PRKCA: variants seen among roughly 807,000 people sequenced by gnomAD.
PRKCA encodes protein kinase C alpha type.
Under a neutral mutation model 87.0 loss-of-function variants are expected in PRKCA, and 27 were observed. The observed-to-expected ratio is 0.31, with a 90% confidence interval of 0.23 to 0.43. The LOEUF (loss-of-function observed/expected upper bound fraction) is 0.43, where lower values mean the gene tolerates loss of function less well. Ranked by LOEUF, PRKCA falls within the 20% of genes least tolerant of loss-of-function variation. The pLI, the probability that PRKCA is intolerant of heterozygous loss-of-function variation, is 1.00. For missense variants in PRKCA, 518 were observed against 852.3 expected (o/e 0.61, Z 4.88); for synonymous variants, 329 against 311.1 (o/e 1.06, Z -0.61).
At chr17:66,329,317 A>ACTT in intron 2 of PRKCA, among the ~76,000 whole-genome samples, 1 of 152,172 alleles carries the variant, frequency 6.6e-6, no homozygotes, top group East Asian at 1.9e-4. Context: ...GTGGTTTTAA[A>ACTT]CTTGCTGAAT....
intron 3 of PRKCA, chr17:66,640,825 T>G (rs1212299919): frequency 2.7e-6 from 1 of 374,078 alleles, no homozygotes; most frequent in African/African-American, 2.2e-5. Flanking sequence ...ATGTGCAAAT[T>G]TCACCCCATA....
intron 3 of PRKCA, among the ~76,000 whole-genome samples, chr17:66,633,619 C>T (rs1971080442): frequency 1.3e-5 from 2 of 152,318 alleles, no homozygotes; most frequent in South Asian, 4.2e-4. Context: ...CCCTGAACCC[C>T]CAGCCCTCAA....
At chr17:66,778,523 TAAAAGAAA>T (rs1975120593) in intron 14 of PRKCA, among the ~76,000 whole-genome samples, 3 of 149,572 alleles carry the variant, frequency 2.0e-5, no homozygotes, top group African/African-American at 7.4e-5. Flanking sequence ...CTCAAAAAAA[TAAAAGAAA>T]AAAAGAAAAC....
At chr17:66,662,747 A>G (rs1449928197) in intron 5 of PRKCA, among the ~76,000 whole-genome samples, 1 of 151,702 alleles carries the variant, frequency 6.6e-6, no homozygotes, top group Non-Finnish European at 1.5e-5. Flanking sequence ...ATTAATGTTT[A>G]TCTTCTGCTT....
chr17:66,592,526 C>G (rs571784670), intron 3 of PRKCA, among the ~76,000 whole-genome samples: 2 of 152,032 alleles, frequency 1.3e-5, no homozygotes, highest in Non-Finnish European at 2.9e-5. Flanking sequence ...TCTTGTTTTT[C>G]GCCGGTGCGT....
intron 3 of PRKCA, among the ~76,000 whole-genome samples, chr17:66,554,230 C>T (rs1461800248): frequency 3.5e-5 from 5 of 142,828 alleles, no homozygotes; most frequent in Non-Finnish European, 6.0e-5. Flanking sequence ...CGTGTGACCC[C>T]GTCTCTATGA....
intron 3 of PRKCA, among the ~76,000 whole-genome samples, chr17:66,619,478 G>A (rs914918381): frequency 6.6e-6 from 1 of 152,170 alleles, no homozygotes; most frequent in African/African-American, 2.4e-5. Flanking sequence ...GTGACAGTTG[G>A]ATGCCTGGCA....
intron 8 of PRKCA, among the ~76,000 whole-genome samples, chr17:66,716,795 C>T (rs757570684): frequency 8.5e-5 from 13 of 152,226 alleles, no homozygotes; most frequent in Non-Finnish European, 1.3e-4. Flanking sequence ...CGTCAGGGTC[C>T]CACGTTTCTC....
intron 2 of PRKCA, among the ~76,000 whole-genome samples, chr17:66,447,574 C>T (rs1334760619): frequency 6.6e-6 from 1 of 152,152 alleles, no homozygotes; most frequent in Non-Finnish European, 1.5e-5. Context: ...AGGGTGGTAG[C>T]ATAGATGACA....
chr17:66,748,066 G>A (rs1252003235), intron 13 of PRKCA, among the ~76,000 whole-genome samples: 2 of 152,226 alleles, frequency 1.3e-5, no homozygotes. Context: ...GTAACAGATG[G>A]TGCATCCAAC....
chr17:66,323,592 A>G lies in PRKCA; in HGVS notation c.205+17465A>G, dbSNP rs555044256. On this transcript the variant is annotated intron_variant, in intron 2 of 16. Coordinates refer to ENST00000413366, the MANE Select transcript of PRKCA (RefSeq NM_002737.3). ...CTCTATGCAGATTGAGTTTTTATCA[A>G]CTGCTTCTGTGGGCAAGAAGTGTGT... is the stretch of plus-strand genomic sequence containing the variant. Among the ~76,000 whole-genome samples the G allele has an allele frequency of 5.9e-5, 9 of 152,188 alleles. No homozygotes were observed. In the South Asian group the frequency reaches 1.4e-3, roughly 24 times the overall value.
intron 2 of PRKCA, among the ~76,000 whole-genome samples, chr17:66,445,144 A>C (rs558264602): frequency 2.0e-5 from 3 of 152,256 alleles, no homozygotes; most frequent in Admixed American, 6.5e-5. Context: ...CCCCTGAGCT[A>C]TCCCCCCTAC....
At chr17:66,446,161 T>A (rs1407053794) in intron 2 of PRKCA, among the ~76,000 whole-genome samples, 1 of 152,116 alleles carries the variant, frequency 6.6e-6, no homozygotes, top group Admixed American at 6.6e-5. Flanking sequence ...AGAACTCTGG[T>A]CTTTTCTGTG....
At chr17:66,584,332 C>G (rs918440461) in intron 3 of PRKCA, among the ~76,000 whole-genome samples, 3 of 152,156 alleles carry the variant, frequency 2.0e-5, no homozygotes, top group African/African-American at 7.2e-5. Flanking sequence ...AGCAGTTCTC[C>G]TGCCTCAGCC....
chr17:66,783,324 T>C lies in PRKCA; in HGVS notation c.1606-3543T>C, dbSNP rs150219698. ...CTTCTCAGGGCCTGTACAATTTAAA[T>C]GTTAAAGCAAATTGCCAGAGAGGGG... On this transcript the variant is annotated intron_variant, in intron 14 of 16. Coordinates refer to ENST00000413366, the MANE Select transcript of PRKCA (RefSeq NM_002737.3). Among the ~76,000 whole-genome samples the C allele has an allele frequency of 7.2e-5, 11 of 152,284 alleles. 1 individual carries two copies. The highest frequency in any genetic ancestry group is 2.6e-4 in the African/African-American group (11 of 41,552).
intron 2 of PRKCA, among the ~76,000 whole-genome samples, chr17:66,377,836 G>C (rs1030471449): frequency 1.1e-4 from 16 of 148,718 alleles, no homozygotes; most frequent in African/African-American, 3.5e-4. Flanking sequence ...GCCCAGGCTG[G>C]TCTTGAACTC....
intron 14 of PRKCA, among the ~76,000 whole-genome samples, chr17:66,780,434 T>A (rs1975176764): frequency 6.6e-6 from 1 of 152,178 alleles, no homozygotes; most frequent in South Asian, 2.1e-4. Flanking sequence ...CTCAGCACTT[T>A]GGGAGGCCCA....
At chr17:66,777,498 TAC>T in intron 14 of PRKCA, 1 of 970,644 alleles carries the variant, frequency 1.0e-6, no homozygotes, top group Non-Finnish European at 1.2e-6. Context: ...AGGCAGTTCG[TAC>T]ACAGTCACCA....
At chr17:66,663,126 C>T (rs560134018) in intron 5 of PRKCA, among the ~76,000 whole-genome samples, 2 of 152,282 alleles carry the variant, frequency 1.3e-5, no homozygotes, top group South Asian at 4.1e-4. Flanking sequence ...GGCAAGGAAG[C>T]CGAGCAAAGC....
Sources: gnomAD v4.1 joint callset for allele counts (sites outside exome capture counted in the v4.1 genomes callset) on GRCh38, gnomAD v4.1.1 for gene constraint, MANE v1.5 for transcripts, NCBI Gene and HGNC (gene_info 2026-07-23, HGNC 2026-07-21) for gene names.